APOBEC3H: variants seen among roughly 807,000 people sequenced by gnomAD.
APOBEC3H encodes the protein apolipoprotein B mRNA editing enzyme catalytic subunit 3H, also known as DNA dC->dU-editing enzyme APOBEC-3H.
In APOBEC3H, 8 loss-of-function variants were observed where a neutral mutation model predicts 21.2. That is an observed-to-expected ratio of 0.38 (90% CI 0.22 to 0.68). The LOEUF (loss-of-function observed/expected upper bound fraction) is 0.68. APOBEC3H is among the 30% of genes least tolerant of loss of function. The pLI, the probability that APOBEC3H is intolerant of heterozygous loss-of-function variation, is 0.52. For synonymous variants in APOBEC3H, 88 were observed against 91.0 expected, an observed-to-expected ratio of 0.97 and a Z score of 0.19; for missense variants, 229 against 228.1, an observed-to-expected ratio of 1.00 and a Z score of -0.03.
intron 2 of APOBEC3H, 82 bp from the exon 3 acceptor site, chr22:39,101,155 C>CG: frequency 1.9e-6 from 1 of 516,054 alleles, no homozygotes; most frequent in Non-Finnish European, 3.2e-6. Flanking sequence ...TCCCCGCCCC[C>CG]GTCCCGGCCC....
chr22:39,102,071 G>C (rs746269861), intron 4 of APOBEC3H, 29 bp downstream of exon 4: 1 of 1,608,194 alleles, frequency 6.2e-7, no homozygotes, highest in Non-Finnish European at 8.5e-7. Flanking sequence ...TGCTGCCCCC[G>C]ACCTCCTCAC....
rs909083527 is a variant in APOBEC3H at position 39,101,487 on chromosome 22, A to G, written c.401A>G (p.Glu134Gly). ...CTGTGTGGATCCCAGGTCCCGGTGG[A>G]GGTCATGGGCTTCCCAGGTAGGAAA... ...RLLCGSQVPV[E>G]VMGFPEFADC... The change falls in exon 3 of 5, where the codon GAG (glutamate) becomes GGG (glycine). Residue 134 changes from glutamate to glycine, a missense_variant. Coordinates refer to ENST00000442487, the MANE Select transcript of APOBEC3H (RefSeq NM_181773.5). 1.3e-6 allele frequency: 2 copies of G among 1,548,142 alleles called. No homozygotes were observed. The highest frequency in any genetic ancestry group is 1.8e-6 in the Non-Finnish European group (2 of 1,142,120).
Position 39,101,901 on chromosome 22 carries a change from TC to T in APOBEC3H, c.419-14del. The T allele has an allele frequency of 6.2e-7, 1 of 1,613,826 alleles. No homozygotes were observed. ...TGCTGCCCCTGGGGCCTGGCTGGTT[TC>T]CCTCTTCCCTCTCAGAGTTTGCTGA... On this transcript the variant is annotated splice_polypyrimidine_tract_variant and intron_variant, in intron 3 of 4. Coordinates refer to ENST00000442487, the MANE Select transcript of APOBEC3H (RefSeq NM_181773.5).
At position 39,101,246 on chromosome 22, in the gene APOBEC3H, C is replaced by A. The variant is rs761793621; in HGVS notation, c.160C>A (p.His54Asn). The A allele has an allele frequency of 1.1e-5, 18 of 1,608,730 alleles. No individual in the cohort carries two copies. The highest frequency in any genetic ancestry group is 5.0e-5 in the Admixed American group (3 of 59,692). ...TTGGGACCCTCCCCAGAAAAAGTGC[C>A]ATGCAGAAATTTGCTTTATTAACGA... is the stretch of plus-strand genomic sequence containing the variant. ...RGYFENKKKCHAEICFINEIK... is the reference protein window; with the variant it reads ...RGYFENKKKCNAEICFINEIK... Residue 54 changes from histidine (H) to asparagine (N), a missense_variant, in exon 3 of 5, where the codon CAT becomes AAT. His to Asn is a moderately conservative substitution (Grantham distance 68). Coordinates refer to ENST00000442487, the MANE Select transcript of APOBEC3H (RefSeq NM_181773.5).
At chr22:39,103,599 T>C (rs139314) in intron 4 of APOBEC3H, 90 bp from the exon 5 acceptor site, 450,367 of 1,396,454 alleles carry the variant, frequency 0.32, 74,710 homozygotes, top group South Asian at 0.43. Flanking sequence ...TCTTTTCTCT[T>C]CCTAATGATC....
rs1929322842 is a variant in APOBEC3H at position 39,101,433 on chromosome 22, G to A, written c.347G>A (p.Cys116Tyr). 14 of 1,611,800 alleles carry A rather than the reference G, an allele frequency of 8.7e-6. No individual in the cohort carries two copies. Among genetic ancestry groups the A allele is most frequent in the Non-Finnish European group, 1.2e-5 (14 of 1,179,580 alleles). ...GCCTCCCGCCTGTACTACCACTGGT[G>A]CAAGCCCCAGCAGAAGGGGCTGCGG... ...IFASRLYYHW[C>Y]KPQQKGLRLL... The change falls in exon 3 of 5, where the codon TGC (cysteine) becomes TAC (tyrosine). Residue 116 changes from cysteine to tyrosine, a missense_variant. Transcript: ENST00000442487.
intron 3 of APOBEC3H, among the ~76,000 whole-genome samples, 173 bp downstream of exon 3, chr22:39,101,677 C>A (rs1444990955): frequency 1.0e-4 from 1 of 9,828 alleles, no homozygotes; most frequent in Non-Finnish European, 1.8e-4. Context: ...GGGGCGGGGG[C>A]GGGTTGGAGG....
intron 2 of APOBEC3H, 39 bp downstream of exon 2, chr22:39,100,467 C>CT: frequency 2.2e-5 from 36 of 1,604,124 alleles, no homozygotes; most frequent in Non-Finnish European, 3.1e-5. Context: ...CCGGCAGGGG[C>CT]TAACCCCATC....
chr22:39,102,298 G>T (rs567391785), intron 4 of APOBEC3H, among the ~76,000 whole-genome samples: 11 of 152,002 alleles, frequency 7.2e-5, no homozygotes, highest in African/African-American at 2.7e-4. Flanking sequence ...ACAGGCACTC[G>T]CCACCATGCC....
chr22:39,100,673 G>A, intron 2 of APOBEC3H: 1 of 508,372 alleles, frequency 2.0e-6, no homozygotes. Context: ...TCTGTAGAAT[G>A]CTCCTTCTGC....
intron 4 of APOBEC3H, chr22:39,102,502 G>C (rs1929425706): frequency 1.4e-6 from 1 of 718,166 alleles, no homozygotes; most frequent in Non-Finnish European, 2.6e-6. Context: ...GCTCCTTCTT[G>C]TTCTTTTAGA....
At chr22:39,099,834 G>T (rs1929195485) in intron 1 of APOBEC3H, among the ~76,000 whole-genome samples, 1 of 152,042 alleles carries the variant, frequency 6.6e-6, no homozygotes, top group African/African-American at 2.4e-5. Context: ...AACAACTAAA[G>T]GGGAGACCCT....
Position 39,097,351 on chromosome 22 carries a change from C to T in APOBEC3H, c.-8+8C>T, listed in dbSNP as rs60093835. ...GCCAGAAGCACAGATCAGGTACTGC[C>T]GCCCACTCTGTCCACTGGGCCCTCT... On this transcript the variant is annotated splice_region_variant and intron_variant, in intron 1 of 4. Coordinates refer to ENST00000442487, the MANE Select transcript of APOBEC3H (RefSeq NM_181773.5). 0.23 allele frequency: 34,950 copies of T among 152,330 alleles called. 6,614 individuals carry two copies. Among genetic ancestry groups the T allele is most frequent in the African/African-American group, 0.52 (21,718 of 41,376 alleles). 9.4% of individuals were successfully genotyped at this position (152,330 alleles called of 1,614,324 possible).
At chr22:39,098,526 A>G (rs911979096) in intron 1 of APOBEC3H, among the ~76,000 whole-genome samples, 13 of 152,198 alleles carry the variant, frequency 8.5e-5, no homozygotes, top group Admixed American at 3.3e-4. Flanking sequence ...AATGCCAGGA[A>G]TTAATTGAAC....
In APOBEC3H at chr22:39,100,432, C is replaced by T; in HGVS notation, c.150+4C>T. 6.2e-7 allele frequency: 1 copy of T among 1,612,556 alleles called. No homozygotes were observed. Among genetic ancestry groups the T allele is most frequent in the Non-Finnish European group, 8.5e-7 (1 of 1,179,106 alleles). On this transcript the variant is annotated splice_donor_region_variant and intron_variant, in intron 2 of 4. Coordinates refer to ENST00000442487, the MANE Select transcript of APOBEC3H (RefSeq NM_181773.5). ...GAGAGGCTACTTTGAAAACAAGGTG[C>T]CACACGGGCTCTCTGGGCACAGGGC...
chr22:39,101,604 G>A, intron 3 of APOBEC3H, 100 bp downstream of exon 3: 1 of 373,662 alleles, frequency 2.7e-6, no homozygotes, highest in South Asian at 2.2e-5. Flanking sequence ...GAGGTTGGCG[G>A]GGGGCGGGGG....
chr22:39,100,003 T>A (rs989551373), intron 1 of APOBEC3H, among the ~76,000 whole-genome samples: 1 of 152,150 alleles, frequency 6.6e-6, no homozygotes, highest in Non-Finnish European at 1.5e-5. Context: ...TGAAACCCCG[T>A]CTGTACTAAA....
rs760023124 is a variant in APOBEC3H, at chr22:39,100,273, A to AAC, written c.-3_-2dup. ...GGTTTTCCCCTTTCTGTTGCACAGA[A>AAC]ACACGATGGCTCTGTTAACAGCCGA... On this transcript the variant is annotated splice_region_variant and 5_prime_UTR_variant, in exon 2 of 5. Coordinates refer to ENST00000442487, the MANE Select transcript of APOBEC3H (RefSeq NM_181773.5). The AAC allele has an allele frequency of 3.1e-6, 5 of 1,610,324 alleles. No individual in the cohort carries two copies. Among genetic ancestry groups the AAC allele is most frequent in the Non-Finnish European group, 3.4e-6 (4 of 1,176,684 alleles).
intron 2 of APOBEC3H, 99 bp from the exon 3 acceptor site, chr22:39,101,138 C>A (rs866882348): frequency 3.0e-6 from 1 of 328,986 alleles, no homozygotes; most frequent in Non-Finnish European, 5.9e-6. Context: ...ACCCCTCTGC[C>A]CCCCCATCCC....
Sources: allele counts gnomAD v4.1 joint callset (sites outside exome capture counted in the v4.1 genomes callset), GRCh38; gene constraint gnomAD v4.1.1; transcripts MANE v1.5; gene names NCBI Gene and HGNC (gene_info 2026-07-23, HGNC 2026-07-21).